Variants in CCDC85A observed in about 807,000 individuals in gnomAD.
CCDC85A encodes coiled-coil domain containing 85A, also known as coiled-coil domain-containing protein 85A.
A neutral mutation model predicts 50.2 loss-of-function variants in CCDC85A; 38 were observed. That is an observed-to-expected ratio of 0.76 (90% CI 0.58 to 0.99). The LOEUF (loss-of-function observed/expected upper bound fraction) is 0.99, where lower values mean the gene tolerates loss of function less well. Among genes scored for constraint, CCDC85A ranks in the 50% least tolerant of loss-of-function variants. The pLI is 0.00. For missense variants in CCDC85A, 820 were observed against 742.0 expected (o/e 1.11, Z -1.22); for synonymous variants, 366 against 301.4 (o/e 1.21, Z -2.22).
intron 3 of CCDC85A, among the ~76,000 whole-genome samples, chr2:56,365,524 G>A (rs1675748512): frequency 6.6e-6 from 1 of 152,128 alleles, no homozygotes; most frequent in Non-Finnish European, 1.5e-5. Context: ...CAAAGAATGA[G>A]TGCATAGACT....
At chr2:56,202,153 G>A (rs530822175) in intron 2 of CCDC85A, among the ~76,000 whole-genome samples, 2 of 152,302 alleles carry the variant, frequency 1.3e-5, no homozygotes, top group East Asian at 3.9e-4. Flanking sequence ...GCAGTGATGA[G>A]AGTGTGAGAT....
At chr2:56,223,056 G>C (rs950056413) in intron 2 of CCDC85A, among the ~76,000 whole-genome samples, 2 of 152,088 alleles carry the variant, frequency 1.3e-5, no homozygotes, top group African/African-American at 4.8e-5. Context: ...ATATGAAAAA[G>C]CATGTATTTA....
At chr2:56,239,244 A>C (rs747621277) in intron 2 of CCDC85A, among the ~76,000 whole-genome samples, 50 of 152,072 alleles carry the variant, frequency 3.3e-4, no homozygotes, top group Non-Finnish European at 6.9e-4. Context: ...AGAAATAATT[A>C]AATGTCCTAT....
At chr2:56,361,990 G>T (rs1480577616) in intron 3 of CCDC85A, among the ~76,000 whole-genome samples, 1 of 152,134 alleles carries the variant, frequency 6.6e-6, no homozygotes, top group Non-Finnish European at 1.5e-5. Flanking sequence ...AGATGGTGAG[G>T]AGGGGTTAGA....
At chr2:56,350,803 C>G (rs1026816443) in intron 3 of CCDC85A, among the ~76,000 whole-genome samples, 1 of 148,408 alleles carries the variant, frequency 6.7e-6, no homozygotes, top group African/African-American at 2.5e-5. Context: ...ATTTAGTCAG[C>G]CATCCTATTG....
Position 56,351,209 on chromosome 2 carries a change from TC to T in CCDC85A, c.1317+8256del, listed in dbSNP as rs1229135004. Among the ~76,000 whole-genome samples the T allele has an allele frequency of 4.6e-5, 7 of 152,084 alleles. No individual in the cohort carries two copies. In the East Asian group the frequency reaches 1.4e-3, roughly 29 times the overall value. ...ATCATTTTTTATGGCTGCATAGTAT[TC>T]CACAGTGTATATATGCCACATTTTC... is the stretch of plus-strand genomic sequence containing the variant. On this transcript the variant is annotated intron_variant, in intron 3 of 5. Transcript: ENST00000407595.
At position 56,212,467 on chromosome 2, in the gene CCDC85A, C is replaced by T. The variant is rs147041175; in HGVS notation, c.1240+19027C>T. ...AGTATTCATAATGGGAGAGAGGACC[C>T]TTTGGCTTTGTAGTTGACAGGGAGA... On this transcript the variant is annotated intron_variant, in intron 2 of 5. Transcript: ENST00000407595. Among the ~76,000 whole-genome samples, 389 of 152,072 alleles carry T rather than the reference C, an allele frequency of 2.6e-3. 1 individual carries two copies. The highest frequency in any genetic ancestry group is 8.9e-3 in the African/African-American group (369 of 41,520).
chr2:56,307,391 C>T (rs1672492249), intron 2 of CCDC85A, among the ~76,000 whole-genome samples: 1 of 152,076 alleles, frequency 6.6e-6, no homozygotes, highest in South Asian at 2.1e-4. Context: ...AATCAGGCTC[C>T]TTGCAGTCTC....
intron 2 of CCDC85A, among the ~76,000 whole-genome samples, chr2:56,268,168 A>G (rs2104049332): frequency 6.6e-6 from 1 of 152,340 alleles, no homozygotes; most frequent in African/African-American, 2.4e-5. Flanking sequence ...CTAAGTTTTT[A>G]AGGCTTTCAC....
intron 2 of CCDC85A, among the ~76,000 whole-genome samples, chr2:56,245,198 A>G (rs1669447103): frequency 6.6e-6 from 1 of 152,162 alleles, no homozygotes; most frequent in Non-Finnish European, 1.5e-5. Flanking sequence ...TTAGAATCCC[A>G]CAGTACTTTA....
At chr2:56,236,104 T>A (rs894627789) in intron 2 of CCDC85A, among the ~76,000 whole-genome samples, 13 of 152,154 alleles carry the variant, frequency 8.5e-5, no homozygotes, top group Admixed American at 8.5e-4. Flanking sequence ...CCAAATATAG[T>A]GTTTGAATAA....
intron 3 of CCDC85A, among the ~76,000 whole-genome samples, chr2:56,360,544 C>G (rs566229343): frequency 2.0e-5 from 3 of 152,198 alleles, no homozygotes; most frequent in African/African-American, 7.2e-5. Context: ...TTTTAAGTTT[C>G]TTTTAAAATT....
At chr2:56,291,380 T>C (rs1357356118) in intron 2 of CCDC85A, among the ~76,000 whole-genome samples, 6 of 152,216 alleles carry the variant, frequency 3.9e-5, no homozygotes, top group African/African-American at 1.4e-4. Flanking sequence ...GATAAAGGCA[T>C]AATGGACTGA....
At chr2:56,238,756 A>G (rs1441543672) in intron 2 of CCDC85A, among the ~76,000 whole-genome samples, 2 of 152,258 alleles carry the variant, frequency 1.3e-5, no homozygotes, top group East Asian at 3.9e-4. Context: ...AAGAGTAAAA[A>G]ACTCATACTG....
At chr2:56,314,787 C>A (rs527867416) in intron 2 of CCDC85A, among the ~76,000 whole-genome samples, 1 of 152,240 alleles carries the variant, frequency 6.6e-6, no homozygotes, top group South Asian at 2.1e-4. Context: ...TCCTTCCCTT[C>A]CCACAACTTT....
chr2:56,339,586 T>C (rs77587433), intron 2 of CCDC85A, among the ~76,000 whole-genome samples: 2,172 of 152,316 alleles, frequency 0.014, 55 homozygotes, highest in African/African-American at 0.05. Flanking sequence ...GTGTAGTCTT[T>C]TCAGCTGCTT....
At chr2:56,276,385 G>C (rs1418824065) in intron 2 of CCDC85A, among the ~76,000 whole-genome samples, 3 of 152,066 alleles carry the variant, frequency 2.0e-5, no homozygotes, top group African/African-American at 7.2e-5. Flanking sequence ...CGGTTTGACT[G>C]TATCCCCACC....
intron 2 of CCDC85A, among the ~76,000 whole-genome samples, chr2:56,231,703 C>T (rs1341919961): frequency 6.6e-6 from 1 of 151,976 alleles, no homozygotes; most frequent in East Asian, 1.9e-4. Flanking sequence ...ATGTTATCAA[C>T]CCTAATATTT....
intron 5 of CCDC85A, among the ~76,000 whole-genome samples, chr2:56,382,721 C>A (rs1287201995): frequency 6.6e-6 from 1 of 151,954 alleles, no homozygotes; most frequent in African/African-American, 2.4e-5. Context: ...TTTCCTTTCA[C>A]CACATAGTTA....
Sources: gnomAD v4.1 joint callset for allele counts (sites outside exome capture counted in the v4.1 genomes callset) on GRCh38, gnomAD v4.1.1 for gene constraint, MANE v1.5 for transcripts, NCBI Gene and HGNC (gene_info 2026-07-23, HGNC 2026-07-21) for gene names.